SLC38A9: variants seen among roughly 807,000 people sequenced by gnomAD.
The protein encoded by SLC38A9 is neutral amino acid transporter 9.
Under a neutral mutation model 62.3 loss-of-function variants are expected in SLC38A9, and 48 were observed. That is an observed-to-expected ratio of 0.77 (90% CI 0.61 to 0.98). The LOEUF (loss-of-function observed/expected upper bound fraction) is 0.98. Among genes scored for constraint, SLC38A9 ranks in the 50% least tolerant of loss-of-function variants. SLC38A9 has a pLI of 0.00. For synonymous variants in SLC38A9, 204 were observed against 227.7 expected, an observed-to-expected ratio of 0.90 and a Z score of 0.94; for missense variants, 541 against 679.8, an observed-to-expected ratio of 0.80 and a Z score of 2.27.
At chr5:55,646,178 C>A (rs1746309608) in intron 11 of SLC38A9, among the ~76,000 whole-genome samples, 1 of 152,152 alleles carries the variant, frequency 6.6e-6, no homozygotes, top group Non-Finnish European at 1.5e-5. Flanking sequence ...GAGTTTGAGA[C>A]CAGCCTGGCC....
intron 3 of SLC38A9, among the ~76,000 whole-genome samples, chr5:55,691,841 A>C (rs1754792645): frequency 6.6e-6 from 1 of 152,126 alleles, no homozygotes; most frequent in Admixed American, 6.6e-5. Context: ...AGTTTGAAAA[A>C]GCCCCCCAAA....
At chr5:55,645,310 C>T (rs1284745306) in intron 12 of SLC38A9, among the ~76,000 whole-genome samples, 1 of 152,200 alleles carries the variant, frequency 6.6e-6, no homozygotes, top group Non-Finnish European at 1.5e-5. Flanking sequence ...CTGCCTCGGA[C>T]TCCCAAAGTG....
At chr5:55,673,739 TCTCA>T (rs1367074128) in intron 3 of SLC38A9, among the ~76,000 whole-genome samples, 2 of 142,446 alleles carry the variant, frequency 1.4e-5, no homozygotes, top group East Asian at 2.1e-4. Context: ...TGAGACAGAG[TCTCA>T]CTCTATCGCC....
At chr5:55,637,814 TA>T (rs1744682775) in intron 12 of SLC38A9, among the ~76,000 whole-genome samples, 1 of 151,204 alleles carries the variant, frequency 6.6e-6, no homozygotes, top group Admixed American at 6.6e-5. Flanking sequence ...AGATGTAAAC[TA>T]AGTGCAGCAA....
intron 12 of SLC38A9, among the ~76,000 whole-genome samples, chr5:55,639,821 C>T (rs940719740): frequency 6.6e-6 from 1 of 151,920 alleles, no homozygotes; most frequent in Non-Finnish European, 1.5e-5. Flanking sequence ...TAGAATGTTG[C>T]TGGCACATAG....
At chr5:55,691,181 A>C (rs1167135494) in intron 3 of SLC38A9, 1 of 841,768 alleles carries the variant, frequency 1.2e-6, no homozygotes, top group South Asian at 1.4e-5. Flanking sequence ...TTAGGACTTC[A>C]TATTTACCGG....
At chr5:55,684,650 T>C (rs1753495266) in intron 3 of SLC38A9, among the ~76,000 whole-genome samples, 1 of 152,234 alleles carries the variant, frequency 6.6e-6, no homozygotes, top group East Asian at 1.9e-4. Flanking sequence ...GTTGTTGTTA[T>C]TGTTTGTTTG....
intron 15 of SLC38A9, among the ~76,000 whole-genome samples, chr5:55,627,280 C>CA (rs1003037019): frequency 4.0e-5 from 6 of 151,492 alleles, no homozygotes; most frequent in African/African-American, 1.5e-4. Flanking sequence ...AAGAGTGTTC[C>CA]AAAAAAAATG....
At chr5:55,627,641 G>A (rs1742677729) in intron 15 of SLC38A9, among the ~76,000 whole-genome samples, 1 of 151,216 alleles carries the variant, frequency 6.6e-6, no homozygotes, top group Non-Finnish European at 1.5e-5. Flanking sequence ...GATGATGAGA[G>A]AAAGAAAAAG....
Position 55,633,824 on chromosome 5 carries a change from C to G in SLC38A9, c.1360G>C (p.Val454Leu), listed in dbSNP as rs767001509. 37 of 1,613,982 alleles carry G rather than the reference C, an allele frequency of 2.3e-5. No individual in the cohort carries two copies. The East Asian group carries it at 7.4e-4, about 32-fold the overall frequency. ...RIFLLFQMMTVYPLLGYLARV... is the reference protein window; with the variant it reads ...RIFLLFQMMTLYPLLGYLARV... Reference sequence around the variant, plus strand: ...GCCAGGTAGCCTAAGAGTGGGTATACAGTCATCATCTGGAACAGCAGGAAT... The same window carrying G: ...GCCAGGTAGCCTAAGAGTGGGTATAGAGTCATCATCTGGAACAGCAGGAAT... Residue 454 changes from valine (V) to leucine (L), a missense_variant, in exon 14 of 16, where the codon GTA becomes CTA. Transcript: ENST00000396865.
In SLC38A9 at chr5:55,669,966, C is replaced by T. The variant is rs1017212162; in HGVS notation, c.247-87G>A. 1.2e-5 allele frequency: 16 copies of T among 1,300,760 alleles called. No individual in the cohort carries two copies. The African/African-American group carries it at 2.2e-4, about 18-fold the overall frequency. The allele number at this position is 1,300,760 out of a possible 1,614,324, so 80.6% of individuals were successfully genotyped here. ...ACACATCAGAACACCTGACTCTAGA[C>T]ACCTTTTTTTTTCTTTTGAACGGAG... On this transcript the variant is annotated intron_variant, in intron 4 of 15. Transcript: ENST00000396865.
At chr5:55,702,600 A>G (rs1756812245) in intron 2 of SLC38A9, 1 of 152,060 alleles carries the variant, frequency 6.6e-6, no homozygotes. Flanking sequence ...GTTCAAATGT[A>G]TTATCATTTC....
At chr5:55,640,146 C>T (rs1279249725) in intron 12 of SLC38A9, among the ~76,000 whole-genome samples, 3 of 151,870 alleles carry the variant, frequency 2.0e-5, no homozygotes, top group Non-Finnish European at 2.9e-5. Flanking sequence ...CCACCATGCT[C>T]GGCTAATTTC....
Position 55,697,757 on chromosome 5 carries a change from AT to A in SLC38A9, c.113+88del, listed in dbSNP as rs1371081403. On this transcript the variant is annotated intron_variant, in intron 3 of 15. Transcript: ENST00000396865. ...CCTGTAAGAAAGTGGATATTTTATA[AT>A]CAAATCTATACATGTTTGGTTATAA... 7 of 602,480 alleles carry A rather than the reference AT, an allele frequency of 1.2e-5. No homozygotes were observed. The East Asian group carries it at 2.2e-4, about 19-fold the overall frequency. 37.3% of individuals were successfully genotyped at this position (602,480 alleles called of 1,614,324 possible). A position where few individuals can be genotyped will look rare whatever the true frequency, so the allele number is the denominator to read the frequency against.
At chr5:55,639,272 T>TTAAAAAAAAAAAAAAAAAAAAAAA (rs1391586466) in intron 12 of SLC38A9, among the ~76,000 whole-genome samples, 1 of 54,650 alleles carries the variant, frequency 1.8e-5, no homozygotes, top group African/African-American at 6.9e-5. Flanking sequence ...AAACTCTGTC[T>TTAAAAAAAAAAAAAAAAAAAAAAA]AAAAAAAAAA....
intron 2 of SLC38A9, among the ~76,000 whole-genome samples, chr5:55,706,545 C>T (rs1040760178): frequency 6.6e-6 from 1 of 152,170 alleles, no homozygotes; most frequent in African/African-American, 2.4e-5. Flanking sequence ...GTTTAGTCAC[C>T]TATGTGTATT....
chr5:55,678,741 A>G (rs1313451064), intron 3 of SLC38A9, among the ~76,000 whole-genome samples: 1 of 129,028 alleles, frequency 7.8e-6, no homozygotes, highest in Admixed American at 1.0e-4. Context: ...GCTCACTATT[A>G]CCTTGAACTC....
intron 8 of SLC38A9, among the ~76,000 whole-genome samples, chr5:55,659,758 T>G (rs185789197): frequency 6.6e-6 from 1 of 151,804 alleles, no homozygotes; most frequent in Non-Finnish European, 1.5e-5. Flanking sequence ...TACAAAATTT[T>G]TATTTTTTAT....
intron 4 of SLC38A9, among the ~76,000 whole-genome samples, 162 bp from the exon 5 acceptor site, chr5:55,670,041 T>C (rs538198990): frequency 7.9e-5 from 12 of 152,236 alleles, no homozygotes; most frequent in African/African-American, 2.9e-4. Context: ...CTCGGCTCAC[T>C]GCAAGCGCCG....
Sources: gnomAD v4.1 joint callset for allele counts (sites outside exome capture counted in the v4.1 genomes callset) on GRCh38, gnomAD v4.1.1 for gene constraint, MANE v1.5 for transcripts, NCBI Gene and HGNC (gene_info 2026-07-23, HGNC 2026-07-21) for gene names.